Variants in NOL4L observed in about 807,000 individuals in gnomAD.
NOL4L encodes nucleolar protein 4-like.
A neutral mutation model predicts 64.5 loss-of-function variants in NOL4L; 7 were observed. The ratio of observed to expected loss-of-function variants is 0.11; its 90% CI spans 0.06 to 0.20. The LOEUF (loss-of-function observed/expected upper bound fraction) is 0.20, where lower values mean the gene tolerates loss of function less well. Ranked by LOEUF, NOL4L falls within the 10% of genes least tolerant of loss-of-function variation. The probability of loss-of-function intolerance (pLI) is 1.00; values close to 1 mark genes in which losing one functional copy is unlikely to be tolerated. For synonymous variants in NOL4L, 413 were observed against 401.0 expected, an observed-to-expected ratio of 1.03 and a Z score of -0.36; for missense variants, 680 against 967.1, an observed-to-expected ratio of 0.70 and a Z score of 3.94.
intron 5 of NOL4L, among the ~76,000 whole-genome samples, chr20:32,458,967 G>A (rs763858167): frequency 6.6e-6 from 1 of 152,228 alleles, no homozygotes; most frequent in Non-Finnish European, 1.5e-5. Flanking sequence ...CGGCACGGGG[G>A]CCCAGACTCT....
chr20:32,490,341 G>A (rs541815711), intron 4 of NOL4L, among the ~76,000 whole-genome samples: 3 of 152,028 alleles, frequency 2.0e-5, no homozygotes, highest in Admixed American at 6.6e-5. Context: ...GTTTCTCCTG[G>A]GGGACTGGGG....
At chr20:32,543,521 A>G (rs1468512570) in intron 1 of NOL4L, among the ~76,000 whole-genome samples, 1 of 152,118 alleles carries the variant, frequency 6.6e-6, no homozygotes, top group Non-Finnish European at 1.5e-5. Flanking sequence ...AGGGAGGCTG[A>G]GGCAGGAGAA....
intron 3 of NOL4L, among the ~76,000 whole-genome samples, chr20:32,518,583 C>T (rs929160856): frequency 6.6e-6 from 1 of 152,260 alleles, no homozygotes; most frequent in Admixed American, 6.5e-5. Flanking sequence ...GCCTCAGACA[C>T]CCCAGAGCAG....
intron 4 of NOL4L, among the ~76,000 whole-genome samples, chr20:32,499,278 C>T (rs1485715396): frequency 6.6e-6 from 1 of 152,186 alleles, no homozygotes; most frequent in Non-Finnish European, 1.5e-5. Flanking sequence ...CCGATCCTGA[C>T]ACTGGGCTCA....
At chr20:32,470,564 A>T (rs933355563) in intron 5 of NOL4L, among the ~76,000 whole-genome samples, 7 of 152,216 alleles carry the variant, frequency 4.6e-5, no homozygotes, top group African/African-American at 1.7e-4. Context: ...GCCCCAAGGC[A>T]ACGCCAGACC....
At chr20:32,574,900 G>A (rs149643789) in intron 1 of NOL4L, among the ~76,000 whole-genome samples, 73 of 151,966 alleles carry the variant, frequency 4.8e-4, no homozygotes, top group Admixed American at 1.4e-3. Context: ...TCTGCACCCC[G>A]GTTTCCTAAA....
intron 5 of NOL4L, among the ~76,000 whole-genome samples, chr20:32,474,039 G>A (rs2015213415): frequency 6.6e-6 from 1 of 152,220 alleles, no homozygotes; most frequent in Non-Finnish European, 1.5e-5. Context: ...TCCAAGGGAG[G>A]CTGGAGTAGG....
chr20:32,518,708 G>A (rs905429754), intron 3 of NOL4L, among the ~76,000 whole-genome samples: 14 of 152,358 alleles, frequency 9.2e-5, no homozygotes, highest in South Asian at 8.3e-4. Flanking sequence ...GGGGACAGGC[G>A]GATGGGTGGG....
chr20:32,509,228 C>G (rs2017272426), intron 4 of NOL4L, among the ~76,000 whole-genome samples: 1 of 152,102 alleles, frequency 6.6e-6, no homozygotes, highest in Non-Finnish European at 1.5e-5. Flanking sequence ...TCTGTCTCCC[C>G]TAGATCAGAA....
At chr20:32,495,062 G>A (rs908525536) in intron 4 of NOL4L, among the ~76,000 whole-genome samples, 7 of 152,184 alleles carry the variant, frequency 4.6e-5, no homozygotes, top group Non-Finnish European at 7.3e-5. Context: ...GGGGTGCTAC[G>A]CTACGTCCAG....
intron 1 of NOL4L, 97 bp downstream of exon 1, chr20:32,584,473 C>CA: frequency 1.0e-6 from 1 of 1,004,678 alleles, no homozygotes; most frequent in African/African-American, 1.7e-5. Flanking sequence ...CTCAGGGACA[C>CA]ACGTTCGGAC....
chr20:32,506,101 G>A (rs2017130432), intron 4 of NOL4L, among the ~76,000 whole-genome samples: 1 of 152,054 alleles, frequency 6.6e-6, no homozygotes, highest in African/African-American at 2.4e-5. Context: ...AGTTTTTCAG[G>A]GTGGGCTTGT....
At chr20:32,457,196 G>C (rs1021293675) in intron 5 of NOL4L, among the ~76,000 whole-genome samples, 2 of 152,220 alleles carry the variant, frequency 1.3e-5, no homozygotes, top group Admixed American at 6.5e-5. Context: ...TTAACCAGGG[G>C]ACCAGACAGT....
intron 1 of NOL4L, among the ~76,000 whole-genome samples, chr20:32,552,560 G>A (rs967633201): frequency 1.5e-4 from 23 of 152,068 alleles, no homozygotes; most frequent in Non-Finnish European, 2.9e-4. Flanking sequence ...GGTGGTGGAC[G>A]CCTGTAATCC....
chr20:32,571,779 T>A (rs1979758588), intron 1 of NOL4L, among the ~76,000 whole-genome samples: 1 of 152,136 alleles, frequency 6.6e-6, no homozygotes, highest in Admixed American at 6.5e-5. Flanking sequence ...CTGGGCTGGG[T>A]GTGGGGCTGC....
chr20:32,480,308 A>C (rs915129290), intron 4 of NOL4L, among the ~76,000 whole-genome samples: 27 of 152,180 alleles, frequency 1.8e-4, no homozygotes, highest in African/African-American at 6.3e-4. Flanking sequence ...TGCAATTTTA[A>C]GCCATAAGCC....
chr20:32,543,543 C>T (rs2018688523), intron 1 of NOL4L, among the ~76,000 whole-genome samples: 1 of 151,904 alleles, frequency 6.6e-6, no homozygotes, highest in East Asian at 1.9e-4. Context: ...CGCTTGAACC[C>T]AGGAGGAGGA....
At chr20:32,574,601 A>C (rs1979971202) in intron 1 of NOL4L, among the ~76,000 whole-genome samples, 1 of 152,102 alleles carries the variant, frequency 6.6e-6, no homozygotes, top group Non-Finnish European at 1.5e-5. Context: ...TGGCCTGCTG[A>C]AGGAAGGGCC....
At chr20:32,502,594 A>T (rs2016966949) in intron 4 of NOL4L, among the ~76,000 whole-genome samples, 1 of 150,474 alleles carries the variant, frequency 6.6e-6, no homozygotes, top group East Asian at 2.0e-4. Context: ...CTCAAAAAAA[A>T]AAAGTATTCT....
Sources: gnomAD v4.1 joint callset for allele counts (sites outside exome capture counted in the v4.1 genomes callset) on GRCh38, gnomAD v4.1.1 for gene constraint, MANE v1.5 for transcripts, NCBI Gene and HGNC (gene_info 2026-07-23, HGNC 2026-07-21) for gene names.